Variants in DPP10 observed in about 807,000 individuals in gnomAD.
The protein encoded by DPP10 is inactive dipeptidyl peptidase 10.
In DPP10, 33 loss-of-function variants were observed where a neutral mutation model predicts 120.9. The observed-to-expected ratio is 0.27, with a 90% CI of 0.21 to 0.37. The LOEUF is 0.37. Among genes scored for constraint, DPP10 ranks in the 10% least tolerant of loss-of-function variants. DPP10 has a pLI of 1.00. For missense variants in DPP10, 816 were observed against 942.8 expected (o/e 0.87, Z 1.76); for synonymous variants, 337 against 326.1 (o/e 1.03, Z -0.36).
At chr2:115,182,485 G>A (rs956337072) in intron 1 of DPP10, among the ~76,000 whole-genome samples, 2 of 152,140 alleles carry the variant, frequency 1.3e-5, no homozygotes, top group African/African-American at 2.4e-5. Flanking sequence ...AGTCTTTGGG[G>A]TTATCAGGAA....
intron 1 of DPP10, among the ~76,000 whole-genome samples, chr2:114,884,867 G>A (rs1223251045): frequency 6.6e-6 from 1 of 152,110 alleles, no homozygotes; most frequent in Non-Finnish European, 1.5e-5. Context: ...TCCAATACAA[G>A]TTGGAGAGAT....
intron 3 of DPP10, among the ~76,000 whole-genome samples, chr2:115,407,522 A>G (rs1015065476): frequency 6.6e-6 from 1 of 152,138 alleles, no homozygotes; most frequent in African/African-American, 2.4e-5. Context: ...TTGCATGACC[A>G]TTTGGAGTCT....
At chr2:115,815,981 G>C (rs147751133) in intron 21 of DPP10, among the ~76,000 whole-genome samples, 99 of 151,630 alleles carry the variant, frequency 6.5e-4, no homozygotes, top group Non-Finnish European at 1.3e-3. Context: ...GTATACATAT[G>C]TAATTACATG....
chr2:114,755,533 A>G (rs1210053555), intron 1 of DPP10, among the ~76,000 whole-genome samples: 1 of 152,226 alleles, frequency 6.6e-6, no homozygotes, highest in Non-Finnish European at 1.5e-5. Flanking sequence ...TAATGGAAGA[A>G]AGATGATAAT....
At chr2:115,745,627 G>T (rs1234842541) in intron 9 of DPP10, among the ~76,000 whole-genome samples, 1 of 150,424 alleles carries the variant, frequency 6.6e-6, no homozygotes, top group Non-Finnish European at 1.5e-5. Context: ...CAGGGCACCT[G>T]GTTTTGGTAG....
At chr2:114,820,552 A>G (rs1232585691) in intron 1 of DPP10, among the ~76,000 whole-genome samples, 1 of 152,224 alleles carries the variant, frequency 6.6e-6, no homozygotes, top group African/African-American at 2.4e-5. Flanking sequence ...AAAGAAGTTT[A>G]ATTGACTCAC....
chr2:115,196,655 G>C (rs2055294863), intron 1 of DPP10, among the ~76,000 whole-genome samples: 1 of 151,980 alleles, frequency 6.6e-6, no homozygotes, highest in African/African-American at 2.4e-5. Context: ...TTTTTTAAAA[G>C]ATTGGACTTT....
intron 5 of DPP10, among the ~76,000 whole-genome samples, chr2:115,600,464 T>G (rs540739749): frequency 6.6e-6 from 1 of 152,356 alleles, no homozygotes; most frequent in South Asian, 2.1e-4. Flanking sequence ...CTTAAAATTT[T>G]TATTTACATA....
chr2:114,849,948 C>A (rs915416785), intron 1 of DPP10, among the ~76,000 whole-genome samples: 1 of 151,624 alleles, frequency 6.6e-6, no homozygotes, highest in African/African-American at 2.4e-5. Flanking sequence ...CTCTCCTTTC[C>A]TTTCCTTTCC....
intron 1 of DPP10, among the ~76,000 whole-genome samples, chr2:115,025,923 C>G (rs1573353009): frequency 6.6e-6 from 1 of 151,904 alleles, no homozygotes; most frequent in African/African-American, 2.4e-5. Flanking sequence ...GGTTATTCAT[C>G]CCTTGTCAGG....
chr2:114,696,984 A>C (rs1011539493), intron 1 of DPP10, among the ~76,000 whole-genome samples: 1 of 152,118 alleles, frequency 6.6e-6, no homozygotes, highest in Non-Finnish European at 1.5e-5. Context: ...GACTGAAATA[A>C]AGTATGAATC....
rs748023673 is a variant in DPP10, at chr2:115,777,168, T to G, written c.1222-40T>G. On this transcript the variant is annotated intron_variant, in intron 13 of 25. Coordinates refer to ENST00000410059, the MANE Select transcript of DPP10 (RefSeq NM_020868.6). ...TTCGTGTTTACCAGAGAGATGCTGT[T>G]TAAATGAAAGGAAAATCAATATTTT... The G allele has an allele frequency of 2.5e-6, 4 of 1,585,248 alleles. No homozygotes were observed. In the South Asian group the frequency reaches 4.4e-5, roughly 18 times the overall value.
At chr2:115,209,708 T>C (rs1458954860) in intron 1 of DPP10, among the ~76,000 whole-genome samples, 2 of 152,028 alleles carry the variant, frequency 1.3e-5, no homozygotes, top group Non-Finnish European at 2.9e-5. Flanking sequence ...GAAAAAAAAA[T>C]ATTTAACTCG....
At chr2:115,715,009 A>G (rs2092442248) in intron 7 of DPP10, among the ~76,000 whole-genome samples, 1 of 146,290 alleles carries the variant, frequency 6.8e-6, no homozygotes, top group South Asian at 2.2e-4. Context: ...AGCCTGGGAG[A>G]CAGAGCAAGA....
At chr2:115,188,341 A>T (rs2054619489) in intron 1 of DPP10, among the ~76,000 whole-genome samples, 4 of 152,208 alleles carry the variant, frequency 2.6e-5, no homozygotes, top group South Asian at 4.1e-4. Flanking sequence ...GGGATAATTA[A>T]AGAATCAGGG....
At position 115,840,740 on chromosome 2, in the gene DPP10, T is replaced by C; in HGVS notation, c.2183-10T>C. On this transcript the variant is annotated splice_polypyrimidine_tract_variant and intron_variant, in intron 24 of 25. Coordinates refer to ENST00000410059, the MANE Select transcript of DPP10 (RefSeq NM_020868.6). ...TGTTTCTTCAGATATCATAATTTGA[T>C]TTCTTGCAGCAAAAGTTCATTTCCA... 1.9e-6 allele frequency: 3 copies of C among 1,612,228 alleles called. No individual in the cohort carries two copies. The highest frequency in any genetic ancestry group is 1.1e-5 in the South Asian group (1 of 90,660).
intron 1 of DPP10, among the ~76,000 whole-genome samples, chr2:114,707,509 A>G (rs1406484808): frequency 2.6e-5 from 4 of 152,206 alleles, no homozygotes; most frequent in African/African-American, 9.7e-5. Context: ...GAACTTAAAC[A>G]TATTTTATTA....
chr2:115,341,886 A>G (rs1437879820), intron 2 of DPP10, among the ~76,000 whole-genome samples: 2 of 152,166 alleles, frequency 1.3e-5, no homozygotes, highest in Non-Finnish European at 2.9e-5. Context: ...GCAATTATTA[A>G]TAAAGCTGCT....
chr2:115,478,452 A>T (rs1384837904), intron 3 of DPP10, among the ~76,000 whole-genome samples: 1 of 152,182 alleles, frequency 6.6e-6, no homozygotes, highest in Non-Finnish European at 1.5e-5. Flanking sequence ...ACTATAAAAC[A>T]TTTAGAAGAA....
Sources: allele counts gnomAD v4.1 joint callset (sites outside exome capture counted in the v4.1 genomes callset), GRCh38; gene constraint gnomAD v4.1.1; transcripts MANE v1.5; gene names NCBI Gene and HGNC (gene_info 2026-07-23, HGNC 2026-07-21).